Variants in ANKRD10 observed in about 807,000 individuals in gnomAD.
The protein encoded by ANKRD10 is ankyrin repeat domain 10, also known as ankyrin repeat domain-containing protein 10.
ANKRD10 carries 14 observed loss-of-function variants against 27.0 expected under a neutral mutation model. The observed-to-expected ratio is 0.52, with a 90% confidence interval of 0.34 to 0.81. The LOEUF is 0.81. Ranked by LOEUF, ANKRD10 falls within the 40% of genes least tolerant of loss-of-function variation. The probability of loss-of-function intolerance (pLI) is 0.01; values close to 1 mark genes in which losing one functional copy is unlikely to be tolerated. For missense variants in ANKRD10, 493 were observed against 544.0 expected (o/e 0.91, Z 0.93); for synonymous variants, 250 against 224.5 (o/e 1.11, Z -1.01).
intron 4 of ANKRD10, among the ~76,000 whole-genome samples, chr13:110,890,833 T>TA (rs2065055274): frequency 6.6e-6 from 1 of 152,194 alleles, no homozygotes; most frequent in African/African-American, 2.4e-5. Context: ...TGTGAACTTC[T>TA]AATCACTGGT....
intron 2 of ANKRD10, among the ~76,000 whole-genome samples, chr13:110,907,031 G>A (rs536276615): frequency 7.9e-5 from 12 of 152,242 alleles, no homozygotes; most frequent in South Asian, 4.2e-4. Flanking sequence ...AGTGCTTTCC[G>A]GTGGAAAATG....
intron 3 of ANKRD10, among the ~76,000 whole-genome samples, chr13:110,902,327 A>T (rs2065407812): frequency 6.6e-6 from 1 of 151,522 alleles, no homozygotes; most frequent in Non-Finnish European, 1.5e-5. Context: ...CCTGTATTTG[A>T]CCTAATGAAA....
intron 4 of ANKRD10, 92 bp from the exon 5 acceptor site, chr13:110,883,885 G>C: frequency 6.8e-6 from 8 of 1,184,788 alleles, no homozygotes; most frequent in African/African-American, 1.5e-5. Flanking sequence ...TGTGAGCACT[G>C]AACACTTTAA....
chr13:110,889,929 T>C (rs924301287), intron 4 of ANKRD10, among the ~76,000 whole-genome samples: 1 of 152,202 alleles, frequency 6.6e-6, no homozygotes, highest in African/African-American at 2.4e-5. Context: ...CCTGTAACTT[T>C]TTTTGTTTTT....
At chr13:110,885,121 T>C (rs1442694903) in intron 4 of ANKRD10, among the ~76,000 whole-genome samples, 1 of 152,088 alleles carries the variant, frequency 6.6e-6, no homozygotes, top group African/African-American at 2.4e-5. Context: ...CCAGAGGCAT[T>C]CAATGGTGGA....
rs757923056 is a variant in ANKRD10 at position 110,894,108 on chromosome 13, C to A, written c.456-845G>T. ...AAATAGAGTAAGTTGAACTTGTAAA[C>A]CTTTAGACACTGAATTAAAACTGAG... On this transcript the variant is annotated intron_variant, in intron 3 of 5. Transcript: ENST00000267339. 3.7e-6 allele frequency: 6 copies of A among 1,600,306 alleles called. No individual in the cohort carries two copies. In the East Asian group the frequency reaches 8.9e-5, roughly 24 times the overall value.
At chr13:110,881,860 TC>T (rs2064825320) in intron 5 of ANKRD10, among the ~76,000 whole-genome samples, 1 of 152,198 alleles carries the variant, frequency 6.6e-6, no homozygotes, top group Admixed American at 6.5e-5. Context: ...TTACAGAGAA[TC>T]TAATAAAACT....
intron 3 of ANKRD10, among the ~76,000 whole-genome samples, chr13:110,898,740 T>TTTTTCTTTTC (rs1212090441): frequency 1.4e-5 from 2 of 142,804 alleles, no homozygotes; most frequent in African/African-American, 5.1e-5. Context: ...ACCCAACTAG[T>TTTTTCTTTTC]TTTTCTTTTC....
intron 4 of ANKRD10, among the ~76,000 whole-genome samples, chr13:110,885,589 GGA>G (rs1190610352): frequency 6.6e-6 from 1 of 151,986 alleles, no homozygotes; most frequent in Non-Finnish European, 1.5e-5. Context: ...AAAAAGAATG[GGA>G]GAGGGGGGTG....
At chr13:110,913,291 G>C (rs2065773926) in intron 1 of ANKRD10, among the ~76,000 whole-genome samples, 2 of 152,334 alleles carry the variant, frequency 1.3e-5, no homozygotes, top group South Asian at 2.1e-4. Context: ...AGACACTCTG[G>C]AGGGAGGAAA....
At chr13:110,885,646 C>T (rs1468420422) in intron 4 of ANKRD10, among the ~76,000 whole-genome samples, 1 of 152,120 alleles carries the variant, frequency 6.6e-6, no homozygotes, top group Non-Finnish European at 1.5e-5. Flanking sequence ...GTCTCAACCT[C>T]CAGGAGCCTT....
At chr13:110,902,793 A>C (rs1360972087) in intron 3 of ANKRD10, among the ~76,000 whole-genome samples, 2 of 152,196 alleles carry the variant, frequency 1.3e-5, no homozygotes, top group Non-Finnish European at 2.9e-5. Context: ...TCTGCCTGAG[A>C]TGCAAGTCAT....
intron 4 of ANKRD10, among the ~76,000 whole-genome samples, chr13:110,892,437 T>A (rs111504255): frequency 0.59 from 36,214 of 61,274 alleles, 8,327 homozygotes; most frequent in South Asian, 0.64. Flanking sequence ...AAAAAAAAAA[T>A]GGTGGGAGAA....
rs1381734881 is a variant in ANKRD10, at chr13:110,892,415, G to GAAAAAAAAAAAAAAAA, written c.691+612_691+613insTTTTTTTTTTTTTTTT. 6.2e-3 allele frequency among the ~76,000 whole-genome samples: 16 copies of GAAAAAAAAAAAAAAAA among 2,586 alleles called. 1 individual carries two copies. Among genetic ancestry groups the GAAAAAAAAAAAAAAAA allele is most frequent in the Middle Eastern group, 0.12 (1 of 8 alleles). The allele number at this position is 2,586 out of a possible 152,430, so 1.7% of individuals were successfully genotyped here. A position where few individuals can be genotyped will look rare whatever the true frequency, so the allele number is the denominator to read the frequency against. On this transcript the variant is annotated intron_variant, in intron 4 of 5. Transcript: ENST00000267339. ...ATTGCACTCCAGCCTGGGTGACAGA[G>GAAAAAAAAAAAAAAAA]CAAAAAAAAAAAAAAAAAAAATGGT... is the stretch of plus-strand genomic sequence containing the variant.
At chr13:110,902,578 T>C (rs1005616785) in intron 3 of ANKRD10, among the ~76,000 whole-genome samples, 12 of 152,208 alleles carry the variant, frequency 7.9e-5, no homozygotes, top group African/African-American at 2.9e-4. Flanking sequence ...AATTTGCTTA[T>C]ATAAGGCTAT....
intron 3 of ANKRD10, among the ~76,000 whole-genome samples, chr13:110,904,860 A>G (rs1158594418): frequency 6.6e-6 from 1 of 152,250 alleles, no homozygotes; most frequent in Non-Finnish European, 1.5e-5. Flanking sequence ...CTAATGGCGA[A>G]TCTTGCCAAT....
intron 5 of ANKRD10, among the ~76,000 whole-genome samples, chr13:110,882,255 T>G (rs1178449112): frequency 6.6e-6 from 1 of 152,204 alleles, no homozygotes; most frequent in African/African-American, 2.4e-5. Flanking sequence ...AGAACAAAAA[T>G]TTGAAGTTAC....
intron 3 of ANKRD10, 93 bp from the exon 4 acceptor site, chr13:110,893,356 G>C: frequency 8.2e-7 from 1 of 1,222,172 alleles, no homozygotes. Flanking sequence ...AAGGTGGTAT[G>C]AAAGAGTAAA....
At chr13:110,903,549 CAAGT>C (rs1029864834) in intron 3 of ANKRD10, 13 of 154,612 alleles carry the variant, frequency 8.4e-5, no homozygotes, top group African/African-American at 1.2e-4. Context: ...CCTACATTAA[CAAGT>C]AAGTTATATA....
Sources: gnomAD v4.1 joint callset for allele counts (sites outside exome capture counted in the v4.1 genomes callset) on GRCh38, gnomAD v4.1.1 for gene constraint, MANE v1.5 for transcripts, NCBI Gene and HGNC (gene_info 2026-07-23, HGNC 2026-07-21) for gene names.